DAG1: variants seen among roughly 807,000 people sequenced by gnomAD.
DAG1 encodes dystroglycan 1.
In DAG1, 8 loss-of-function variants were observed where a neutral mutation model predicts 46.1. The ratio of observed to expected loss-of-function variants is 0.17; its 90% CI spans 0.10 to 0.31. The LOEUF (loss-of-function observed/expected upper bound fraction) is 0.31. Among genes scored for constraint, DAG1 ranks in the 10% least tolerant of loss-of-function variants. The probability of loss-of-function intolerance (pLI) is 1.00; values close to 1 mark genes in which losing one functional copy is unlikely to be tolerated. For synonymous variants in DAG1, 495 were observed against 481.8 expected, an observed-to-expected ratio of 1.03 and a Z score of -0.36; for missense variants, 1,003 against 1,189.9, an observed-to-expected ratio of 0.84 and a Z score of 2.31.
intron 2 of DAG1, among the ~76,000 whole-genome samples, chr3:49,513,308 G>A (rs2050811205): frequency 6.6e-6 from 1 of 152,124 alleles, no homozygotes; most frequent in Admixed American, 6.6e-5. Context: ...TGTCCTCAAA[G>A]CACGATAGAT....
At chr3:49,507,175 CA>C (rs1372722011) in intron 1 of DAG1, among the ~76,000 whole-genome samples, 1 of 150,422 alleles carries the variant, frequency 6.6e-6, no homozygotes, top group African/African-American at 2.5e-5. Flanking sequence ...ACTCCTTCTC[CA>C]AAAAAAAGAA....
chr3:49,519,147 C>T (rs2050967642), intron 2 of DAG1, among the ~76,000 whole-genome samples: 1 of 152,164 alleles, frequency 6.6e-6, no homozygotes, highest in Admixed American at 6.5e-5. Context: ...TCCCTGCAGG[C>T]ACCTCTCCTC....
chr3:49,530,703 T>C, intron 2 of DAG1, 94 bp from the exon 3 acceptor site: 1 of 1,580,474 alleles, frequency 6.3e-7, no homozygotes, highest in Non-Finnish European at 8.7e-7. Context: ...AATTATACCT[T>C]AAACCTGTCA....
At chr3:49,505,274 A>AC (rs1168920287) in intron 1 of DAG1, among the ~76,000 whole-genome samples, 1 of 149,766 alleles carries the variant, frequency 6.7e-6, no homozygotes, top group Non-Finnish European at 1.5e-5. Context: ...GAGCCACTGC[A>AC]CCCCGCCCTT....
chr3:49,523,644 A>C (rs2051096386), intron 2 of DAG1, among the ~76,000 whole-genome samples: 1 of 152,188 alleles, frequency 6.6e-6, no homozygotes. Flanking sequence ...CCCACTGTGC[A>C]CTGGGTCCAA....
chr3:49,483,474 G>C (rs1160172214), intron 1 of DAG1, among the ~76,000 whole-genome samples: 1 of 152,108 alleles, frequency 6.6e-6, no homozygotes, highest in African/African-American at 2.4e-5. Flanking sequence ...AAAGTGCTGG[G>C]ATTACAGGCG....
chr3:49,530,358 G>C (rs2051306187), intron 2 of DAG1, among the ~76,000 whole-genome samples: 1 of 152,176 alleles, frequency 6.6e-6, no homozygotes, highest in Non-Finnish European at 1.5e-5. Context: ...CAAAGATGTG[G>C]TGTCTGCAGA....
intron 1 of DAG1, among the ~76,000 whole-genome samples, chr3:49,472,616 G>A (rs1345975397): frequency 6.6e-6 from 1 of 152,018 alleles, no homozygotes; most frequent in Non-Finnish European, 1.5e-5. Flanking sequence ...GATCATCCTG[G>A]CTAACACGGT....
chr3:49,532,728 G>C lies in DAG1; in HGVS notation c.2217G>C (p.Arg739Ser). The part of the protein sequence containing the change: ...SEAPPTEVPD[R>S]DPEKSSEDDV... Reference sequence around the variant, plus strand: ...CGCCGCCCACAGAAGTGCCTGACAGGGACCCTGAGAAGAGCAGTGAGGATG... The same window carrying C: ...CGCCGCCCACAGAAGTGCCTGACAGCGACCCTGAGAAGAGCAGTGAGGATG... Residue 739 changes from arginine to serine, a missense_variant, in exon 3 of 3, where the codon AGG becomes AGC. Physicochemically the swap from Arg to Ser is moderately radical, Grantham distance 110. Transcript: ENST00000308775. This position sits in a 1 kb window ranked among gnomAD's most constrained non-coding sequence, Gnocchi z 5.4. The C allele has an allele frequency of 6.2e-7, 1 of 1,614,180 alleles. No homozygotes were observed. The highest frequency in any genetic ancestry group is 8.5e-7 in the Non-Finnish European group (1 of 1,180,046).
In DAG1 at chr3:49,531,643, C is replaced by G; in HGVS notation, c.1132C>G (p.Gln378Glu). The G allele has an allele frequency of 6.2e-7, 1 of 1,613,048 alleles. No homozygotes were observed. Among genetic ancestry groups the G allele is most frequent in the Non-Finnish European group, 8.5e-7 (1 of 1,179,124 alleles). ...CATCCGGACTCGAGGCGCCATTATT[C>G]AAACCCCAACCCTAGGCCCCATCCA... ...VTIRTRGAII[Q>E]TPTLGPIQPT... is the part of the protein sequence containing the mutation. The change falls in exon 3 of 3, where the codon CAA (glutamine) becomes GAA (glutamate). Residue 378 changes from glutamine (Q) to glutamate (E), a missense_variant. By Grantham distance (29) the Gln-to-Glu change is conservative. Coordinates refer to ENST00000308775, the MANE Select transcript of DAG1 (RefSeq NM_004393.6). This position sits in a 1 kb window ranked among gnomAD's most constrained non-coding sequence, Gnocchi z 7.0.
In DAG1 at chr3:49,532,621, A is replaced by G; in HGVS notation, c.2110A>G (p.Ser704Gly). 1 of 1,613,498 alleles carries G rather than the reference A, an allele frequency of 6.2e-7. No individual in the cohort carries two copies. Reference protein sequence around the residue: ...NALEPDFKATSITVTGSGSCR... With the variant: ...NALEPDFKATGITVTGSGSCR... ...CCTAGAGCCTGACTTTAAGGCCACAAGCATCACTGTGACGGGCTCTGGCAG... is the reference window on the plus strand; with the variant it reads ...CCTAGAGCCTGACTTTAAGGCCACAGGCATCACTGTGACGGGCTCTGGCAG... The change falls in exon 3 of 3, where the codon AGC becomes GGC. Residue 704 changes from serine (S) to glycine (G), a missense_variant. Transcript: ENST00000308775. This position sits in a 1 kb window ranked among gnomAD's most constrained non-coding sequence, Gnocchi z 5.4.
intron 1 of DAG1, among the ~76,000 whole-genome samples, chr3:49,478,712 C>T (rs1031922066): frequency 7.4e-5 from 11 of 148,802 alleles, no homozygotes; most frequent in African/African-American, 2.7e-4. Flanking sequence ...TTCATCACAG[C>T]AAATCACACC....
chr3:49,504,286 A>C (rs149715204), intron 1 of DAG1, among the ~76,000 whole-genome samples: 2,327 of 151,774 alleles, frequency 0.015, 35 homozygotes, highest in Non-Finnish European at 0.024. Flanking sequence ...TTCACTTAGC[A>C]AGATTGCTTG....
At chr3:49,514,713 A>G (rs1159311990) in intron 2 of DAG1, among the ~76,000 whole-genome samples, 1 of 151,758 alleles carries the variant, frequency 6.6e-6, no homozygotes, top group Non-Finnish European at 1.5e-5. Flanking sequence ...ATCTTGGCCT[A>G]CTGCAACCTC....
At chr3:49,490,136 G>A (rs181977417) in intron 1 of DAG1, among the ~76,000 whole-genome samples, 2 of 152,150 alleles carry the variant, frequency 1.3e-5, no homozygotes, top group East Asian at 3.9e-4. Flanking sequence ...GACGGATCAC[G>A]AGGTCAGGAG....
chr3:49,483,724 G>T (rs1255265159), intron 1 of DAG1, among the ~76,000 whole-genome samples: 1 of 152,170 alleles, frequency 6.6e-6, no homozygotes, highest in East Asian at 1.9e-4. Context: ...TGCCTACCTG[G>T]AGTGTGGTGG....
In DAG1 at chr3:49,534,442, A is replaced by C. The variant is rs953139247; in HGVS notation, c.*1243A>C. ...GGAGGAGTGCCAGCAATAGTTCATA[A>C]TAAAAATCTGTTAGCTCTCAAAGCT... On this transcript the variant is annotated 3_prime_UTR_variant, in exon 3 of 3. Coordinates refer to ENST00000308775, the MANE Select transcript of DAG1 (RefSeq NM_004393.6). 2 of 152,620 alleles carry C rather than the reference A, an allele frequency of 1.3e-5. No homozygotes were observed. The highest frequency in any genetic ancestry group is 2.9e-5 in the Non-Finnish European group (2 of 68,040). 9.5% of individuals were successfully genotyped at this position (152,620 alleles called of 1,614,324 possible).
At chr3:49,502,556 G>A (rs576441582) in intron 1 of DAG1, among the ~76,000 whole-genome samples, 1 of 151,780 alleles carries the variant, frequency 6.6e-6, no homozygotes, top group East Asian at 1.9e-4. Flanking sequence ...AGAGGACAAT[G>A]TTTTACCTAT....
chr3:49,532,029 A>G lies in DAG1; in HGVS notation c.1518A>G (p.Val506=). 1 of 1,614,228 alleles carries G rather than the reference A, an allele frequency of 6.2e-7. No homozygotes were observed. The highest frequency in any genetic ancestry group is 1.1e-5 in the South Asian group (1 of 91,076). ...RPELKNHIDR[V]DAWVGTYFEV... ...AGCTCAAGAACCATATTGACAGGGT[A>G]GATGCCTGGGTTGGCACCTACTTTG... The change falls in exon 3 of 3, where the codon GTA becomes GTG. Residue 506 remains valine, a synonymous_variant. Transcript: ENST00000308775. The surrounding 1 kb of genome is among the most constrained non-coding windows in gnomAD (Gnocchi z 5.4).
Sources: allele counts gnomAD v4.1 joint callset (sites outside exome capture counted in the v4.1 genomes callset), GRCh38; gene constraint gnomAD v4.1.1; non-coding constraint Gnocchi (gnomAD v3.1); transcripts MANE v1.5; gene names NCBI Gene and HGNC (gene_info 2026-07-23, HGNC 2026-07-21).